Variants in CHRNB2 observed in about 807,000 individuals in gnomAD.
CHRNB2 encodes cholinergic receptor nicotinic beta 2 subunit.
Under a neutral mutation model 42.7 loss-of-function variants are expected in CHRNB2, and 33 were observed. That is an observed-to-expected ratio of 0.77 (90% CI 0.59 to 1.03). The LOEUF is 1.03. CHRNB2 is among the 50% of genes least tolerant of loss of function. CHRNB2 has a pLI of 0.00. For missense variants in CHRNB2, 603 were observed against 700.9 expected (o/e 0.86, Z 1.58); for synonymous variants, 325 against 292.9 (o/e 1.11, Z -1.12).
At chr1:154,569,330 C>T in intron 1 of CHRNB2, 132 bp from the exon 2 acceptor site, 1 of 1,086,914 alleles carries the variant, frequency 9.2e-7, no homozygotes, top group East Asian at 2.6e-5. Context: ...TTAATCTAAG[C>T]ATTTTGCAGT....
chr1:154,569,108 T>C (rs993608484), intron 1 of CHRNB2, among the ~76,000 whole-genome samples: 1 of 151,812 alleles, frequency 6.6e-6, no homozygotes, highest in African/African-American at 2.4e-5. Context: ...CTGCTAAACC[T>C]CCCTTGAGTC....
intron 1 of CHRNB2, 34 bp from the exon 2 acceptor site, chr1:154,569,428 C>G (rs779627142): frequency 1.9e-6 from 3 of 1,612,236 alleles, no homozygotes. Context: ...CTCTCCTTGC[C>G]TGCTTACTTT....
Position 154,569,774 on chromosome 1 carries a change from C to A in CHRNB2, c.211-18C>A, listed in dbSNP as rs202228320. Reference sequence around the variant, plus strand: ...CAGGCTTAGGGGCCTTCTCGGCAGCCTCTCTTCCTCCCTGCAGCATGAGCG... The same window carrying A: ...CAGGCTTAGGGGCCTTCTCGGCAGCATCTCTTCCTCCCTGCAGCATGAGCG... On this transcript the variant is annotated intron_variant, in intron 2 of 5. Transcript: ENST00000368476. 3 of 1,614,042 alleles carry A rather than the reference C, an allele frequency of 1.9e-6. No homozygotes were observed. Among genetic ancestry groups the A allele is most frequent in the Non-Finnish European group, 2.5e-6 (3 of 1,180,024 alleles).
chr1:154,574,283 C>T (rs1031989611), intron 5 of CHRNB2, among the ~76,000 whole-genome samples: 9 of 152,170 alleles, frequency 5.9e-5, no homozygotes, highest in East Asian at 3.8e-4. Flanking sequence ...GTTCAGTGAT[C>T]GACTGCTGGA....
In CHRNB2 at chr1:154,571,810, C is replaced by T; in HGVS notation, c.987C>T (p.His329=). The change falls in exon 5 of 6, where the codon CAC becomes CAT. Residue 329 remains histidine (H), a synonymous_variant. Transcript: ENST00000368476. The surrounding 1 kb of genome is among the most constrained non-coding windows in gnomAD (Gnocchi z 6.8). ...TGCACCACCGCTCGCCCACCACGCA[C>T]ACCATGGCGCCCTGGGTGAAGGTCG... ...LNVHHRSPTT[H]TMAPWVKVVF... is the part of the protein sequence containing the mutation. The T allele has an allele frequency of 6.2e-7, 1 of 1,613,990 alleles. No homozygotes were observed. The highest frequency in any genetic ancestry group is 8.5e-7 in the Non-Finnish European group (1 of 1,180,040).
At position 154,575,991 on chromosome 1, in the gene CHRNB2, G is replaced by T; in HGVS notation, c.*59G>T. On this transcript the variant is annotated 3_prime_UTR_variant, in exon 6 of 6. Coordinates refer to ENST00000368476, the MANE Select transcript of CHRNB2 (RefSeq NM_000748.3). ...CCACCCTCTGCTGCACAGTAGTGTT[G>T]GGTGGAGGATGGACGAGTGAGCTAC... The T allele has an allele frequency of 6.2e-7, 1 of 1,605,362 alleles. No homozygotes were observed. The highest frequency in any genetic ancestry group is 2.2e-5 in the East Asian group (1 of 44,832).
Position 154,571,500 on chromosome 1 carries a change from A to T in CHRNB2, c.677A>T (p.Tyr226Phe). 6.2e-7 allele frequency: 1 copy of T among 1,613,986 alleles called. No homozygotes were observed. The highest frequency in any genetic ancestry group is 8.5e-7 in the Non-Finnish European group (1 of 1,180,010). The change falls in exon 5 of 6, where the codon TAT becomes TTT. Residue 226 changes from tyrosine to phenylalanine, a missense_variant. Transcript: ENST00000368476. This position sits in a 1 kb window ranked among gnomAD's most constrained non-coding sequence, Gnocchi z 6.8. ...GACTCTACGTACGTGGACATCACGT[A>T]TGACTTCATCATTCGCCGCAAGCCG... ...PDDSTYVDIT[Y>F]DFIIRRKPLF... is the part of the protein sequence containing the mutation.
At chr1:154,573,125 AT>A (rs747056931) in intron 5 of CHRNB2, among the ~76,000 whole-genome samples, 5 of 152,040 alleles carry the variant, frequency 3.3e-5, no homozygotes, top group Admixed American at 6.5e-5. Flanking sequence ...ACAGCAGGAG[AT>A]GGGTTGGAGC....
In CHRNB2 at chr1:154,572,126, G is replaced by T; in HGVS notation, c.1303G>T (p.Ala435Ser). ...GGCGGTGGACGGCGTGCGCTTCATC[G>T]CAGACCACATGCGGAGCGAGGACGA... ...REAVDGVRFI[A>S]DHMRSEDDDQ... is the part of the protein sequence containing the mutation. Residue 435 changes from alanine (A) to serine (S), a missense_variant, in exon 5 of 6, where the codon GCA (alanine) becomes TCA (serine). By Grantham distance (99) the Ala-to-Ser change is moderately conservative. Transcript: ENST00000368476. The T allele has an allele frequency of 1.3e-6, 2 of 1,537,852 alleles. No individual in the cohort carries two copies. The highest frequency in any genetic ancestry group is 2.4e-5 in the South Asian group (2 of 84,020).
chr1:154,578,693 C>T lies in CHRNB2; in HGVS notation c.*2761C>T, dbSNP rs200371411. On this transcript the variant is annotated 3_prime_UTR_variant, in exon 6 of 6. Transcript: ENST00000368476. ...CTGGGAAGCTTTGGGGAACCACAGT[C>T]TCTTCCACCCTTGGGTCGTGTGTCG... is the stretch of plus-strand genomic sequence containing the variant. 3 of 152,290 alleles carry T rather than the reference C, an allele frequency of 2.0e-5. No homozygotes were observed. The highest frequency in any genetic ancestry group is 4.4e-5 in the Non-Finnish European group (3 of 68,066). The allele number at this position is 152,290 out of a possible 1,614,324, so 9.4% of individuals were successfully genotyped here. A position where few individuals can be genotyped will look rare whatever the true frequency, so the allele number is the denominator to read the frequency against.
Position 154,571,654 on chromosome 1 carries a change from G to T in CHRNB2, c.831G>T (p.Thr277=), listed in dbSNP as rs1190451612. 2 of 1,614,092 alleles carry T rather than the reference G, an allele frequency of 1.2e-6. No homozygotes were observed. The highest frequency in any genetic ancestry group is 2.2e-5 in the East Asian group (1 of 44,900). The change falls in exon 5 of 6, where the codon ACG becomes ACT. Residue 277 remains threonine, a synonymous_variant. Transcript: ENST00000368476. The surrounding 1 kb of genome is among the most constrained non-coding windows in gnomAD (Gnocchi z 6.8). ...TLCISVLLAL[T]VFLLLISKIV... ...GCATCTCAGTGCTGCTGGCGCTCAC[G>T]GTCTTCCTGCTGCTCATCTCCAAGA...
At chr1:154,575,163 T>C (rs1380337381) in intron 5 of CHRNB2, among the ~76,000 whole-genome samples, 1 of 152,222 alleles carries the variant, frequency 6.6e-6, no homozygotes, top group Non-Finnish European at 1.5e-5. Flanking sequence ...TTAACACTCT[T>C]GTGTTCCAGA....
Position 154,579,169 on chromosome 1 carries a change from A to G in CHRNB2, c.*3237A>G, listed in dbSNP as rs200627830. Reference sequence around the variant, plus strand: ...AGGAAGGGCAAGACCGTTTCCCCCAATGGTCTTGAAACGGAAGAGGAAACA... The same window carrying G: ...AGGAAGGGCAAGACCGTTTCCCCCAGTGGTCTTGAAACGGAAGAGGAAACA... On this transcript the variant is annotated 3_prime_UTR_variant, in exon 6 of 6. Coordinates refer to ENST00000368476, the MANE Select transcript of CHRNB2 (RefSeq NM_000748.3). 8 of 152,180 alleles carry G rather than the reference A, an allele frequency of 5.3e-5. No individual in the cohort carries two copies. The highest frequency in any genetic ancestry group is 1.7e-4 in the African/African-American group (7 of 41,428). 9.4% of individuals were successfully genotyped at this position (152,180 alleles called of 1,614,324 possible).
chr1:154,576,382 AG>A lies in CHRNB2; in HGVS notation c.*454del. 3.5e-6 allele frequency: 1 copy of A among 287,044 alleles called. No homozygotes were observed. Among genetic ancestry groups the A allele is most frequent in the South Asian group, 3.5e-5 (1 of 28,344 alleles). 17.8% of individuals were successfully genotyped at this position (287,044 alleles called of 1,614,324 possible). A position where few individuals can be genotyped will look rare whatever the true frequency, so the allele number is the denominator to read the frequency against. On this transcript the variant is annotated 3_prime_UTR_variant, in exon 6 of 6. Transcript: ENST00000368476. ...CTGACACAATGGTAGCTCTGAAGGG[AG>A]GGGAAGAGAGAGGCCTGGGTGTGAC...
At position 154,572,161 on chromosome 1, in the gene CHRNB2, C is replaced by A. The variant is rs201462348; in HGVS notation, c.1338C>A (p.Ser446Arg). 5 of 1,536,838 alleles carry A rather than the reference C, an allele frequency of 3.3e-6. No individual in the cohort carries two copies. The South Asian group carries it at 6.0e-5, about 18-fold the overall frequency. Residue 446 changes from serine (S) to arginine (R), a missense_variant and splice_region_variant, in exon 5 of 6, where the codon AGC becomes AGA. Around this residue, in one of 2 missense-constraint regions of CHRNB2, gnomAD observed 270 missense variants for 248.3 expected, o/e 1.09. Transcript: ENST00000368476. ...TGCGGAGCGAGGACGATGACCAGAG[C>A]GTGAGTGCCGCAGGCTGGGACCCCG... ...DHMRSEDDDQ[S>R]VSEDWKYVAM... is the part of the protein sequence containing the mutation.
In CHRNB2 at chr1:154,569,826, G is replaced by C. The variant is rs1696130452; in HGVS notation, c.245G>C (p.Trp82Ser). 6.2e-7 allele frequency: 1 copy of C among 1,613,920 alleles called. No individual in the cohort carries two copies. Among genetic ancestry groups the C allele is most frequent in the African/African-American group, 1.3e-5 (1 of 74,868 alleles). Residue 82 changes from tryptophan (W) to serine (S), a missense_variant, in exon 3 of 6, where the codon TGG becomes TCG. Around this residue, in one of 2 missense-constraint regions of CHRNB2, gnomAD observed 333 missense variants for 452.6 expected, o/e 0.74. Coordinates refer to ENST00000368476, the MANE Select transcript of CHRNB2 (RefSeq NM_000748.3). The part of the protein sequence containing the change: ...EREQIMTTNV[W>S]LTQEWEDYRL... ...GAGCAGATCATGACCACCAATGTCTGGCTGACCCAGGTAAGCGTAAGTGCT... is the reference window on the plus strand; with the variant it reads ...GAGCAGATCATGACCACCAATGTCTCGCTGACCCAGGTAAGCGTAAGTGCT...
In CHRNB2 at chr1:154,571,343, C is replaced by T; in HGVS notation, c.520C>T (p.Arg174Cys). Reference sequence around the variant, plus strand: ...CCAGCAGAACTGCACCATGAAGTTCCGTTCGTGGACCTACGACCGCACAGA... The same window carrying T: ...CCAGCAGAACTGCACCATGAAGTTCTGTTCGTGGACCTACGACCGCACAGA... ...FDQQNCTMKF[R>C]SWTYDRTEID... Residue 174 changes from arginine (R) to cysteine (C), a missense_variant, in exon 5 of 6, where the codon CGT becomes TGT. Physicochemically the swap from Arg to Cys is radical, Grantham distance 180. Coordinates refer to ENST00000368476, the MANE Select transcript of CHRNB2 (RefSeq NM_000748.3). The surrounding 1 kb of genome is among the most constrained non-coding windows in gnomAD (Gnocchi z 6.8). The T allele has an allele frequency of 6.2e-7, 1 of 1,614,204 alleles. No individual in the cohort carries two copies. Among genetic ancestry groups the T allele is most frequent in the Non-Finnish European group, 8.5e-7 (1 of 1,180,034 alleles).
At position 154,571,968 on chromosome 1, in the gene CHRNB2, C is replaced by T; in HGVS notation, c.1145C>T (p.Pro382Leu). The change falls in exon 5 of 6, where the codon CCA (proline) becomes CTA (leucine). Residue 382 changes from proline to leucine, a missense_variant. Transcript: ENST00000368476. The surrounding 1 kb of genome is among the most constrained non-coding windows in gnomAD (Gnocchi z 6.8). ...GAGALFFREAPGADSCTCFVN... is the reference protein window; with the variant it reads ...GAGALFFREALGADSCTCFVN... ...GGAGCCCTCTTCTTCCGCGAAGCCCCAGGGGCCGACTCCTGCACGTGCTTC... is the reference window on the plus strand; with the variant it reads ...GGAGCCCTCTTCTTCCGCGAAGCCCTAGGGGCCGACTCCTGCACGTGCTTC... 6.5e-7 allele frequency: 1 copy of T among 1,540,420 alleles called. No homozygotes were observed. Among genetic ancestry groups the T allele is most frequent in the African/African-American group, 1.4e-5 (1 of 73,248 alleles).
Position 154,577,151 on chromosome 1 carries a change from GGCT to G in CHRNB2, c.*1228_*1230del, listed in dbSNP as rs983255728. 2.6e-5 allele frequency: 4 copies of G among 152,224 alleles called. No homozygotes were observed. Among genetic ancestry groups the G allele is most frequent in the African/African-American group, 9.7e-5 (4 of 41,430 alleles). 9.4% of individuals were successfully genotyped at this position (152,224 alleles called of 1,614,324 possible). A position where few individuals can be genotyped will look rare whatever the true frequency, so the allele number is the denominator to read the frequency against. On this transcript the variant is annotated 3_prime_UTR_variant, in exon 6 of 6. Coordinates refer to ENST00000368476, the MANE Select transcript of CHRNB2 (RefSeq NM_000748.3). ...TTGAAGCAGAACTTGGGAAGGACAG[GGCT>G]GCTGCTGCCAGCGACACCTCAGAAA... is the stretch of plus-strand genomic sequence containing the variant.
Sources: gnomAD v4.1 joint callset for allele counts (sites outside exome capture counted in the v4.1 genomes callset) on GRCh38, gnomAD v4.1.1 for gene constraint, gnomAD v4.1.1 regional missense constraint, Gnocchi (gnomAD v3.1) non-coding constraint, MANE v1.5 for transcripts, NCBI Gene and HGNC (gene_info 2026-07-23, HGNC 2026-07-21) for gene names.